Variants in NT5M observed in about 807,000 individuals in gnomAD.
The protein encoded by NT5M is 5'(3')-deoxyribonucleotidase, mitochondrial.
NT5M carries 22 observed loss-of-function variants against 22.2 expected under a neutral mutation model. That is an observed-to-expected ratio of 0.99 (90% CI 0.71 to 1.41). NT5M has a LOEUF of 1.41. Among genes scored for constraint, NT5M ranks in the 40% most tolerant of loss-of-function variants. The pLI, the probability that NT5M is intolerant of heterozygous loss-of-function variation, is 0.00. For missense variants in NT5M, 322 were observed against 314.8 expected (o/e 1.02, Z -0.17); for synonymous variants, 167 against 133.0 (o/e 1.26, Z -1.76).
At chr17:17,318,897 A>G (rs2049093125) in intron 2 of NT5M, among the ~76,000 whole-genome samples, 1 of 151,342 alleles carries the variant, frequency 6.6e-6, no homozygotes, top group Non-Finnish European at 1.5e-5. Context: ...AAGGCCACGT[A>G]TTGTAGGATT....
In NT5M at chr17:17,315,744, G is replaced by T. The variant is rs202023765; in HGVS notation, c.369-7441G>T. On this transcript the variant is annotated intron_variant, in intron 2 of 4. Transcript: ENST00000389022. ...AGAGATTGATGTGATCTAACTTAGGGTTTTTTTGTTTTTTTTTTTTTTTTT... is the reference window on the plus strand; with the variant it reads ...AGAGATTGATGTGATCTAACTTAGGTTTTTTTTGTTTTTTTTTTTTTTTTT... Among the ~76,000 whole-genome samples the T allele has an allele frequency of 5.3e-3, 359 of 67,738 alleles. 11 individuals carry two copies. The highest frequency in any genetic ancestry group is 0.013 in the Middle Eastern group (1 of 78). 44.4% of individuals were successfully genotyped at this position (67,738 alleles called of 152,430 possible). A position where few individuals can be genotyped will look rare whatever the true frequency, so the allele number is the denominator to read the frequency against.
chr17:17,337,766 A>T (rs1434525843), intron 3 of NT5M, among the ~76,000 whole-genome samples: 1 of 152,174 alleles, frequency 6.6e-6, no homozygotes, highest in African/African-American at 2.4e-5. Flanking sequence ...ATTTTTTTCT[A>T]TAGAGTTGTT....
chr17:17,317,049 G>GT (rs1351062225), intron 2 of NT5M, among the ~76,000 whole-genome samples: 2,473 of 81,432 alleles, frequency 0.03, 70 homozygotes, highest in African/African-American at 0.078. Context: ...TTTTGTTTTT[G>GT]TTTTTGTTTT....
intron 3 of NT5M, among the ~76,000 whole-genome samples, chr17:17,336,608 T>C (rs1179224206): frequency 6.6e-6 from 1 of 151,002 alleles, no homozygotes; most frequent in Non-Finnish European, 1.5e-5. Context: ...TTGAGTGCAG[T>C]GGCGTGATCT....
rs1027699175 is a variant in NT5M, at chr17:17,312,043, A to G, written c.368+5400A>G. ...CCCAGGCTCACATCCTCACTTCCCC[A>G]GAATCTCATTCCCAGATGTCAGGCA... On this transcript the variant is annotated intron_variant, in intron 2 of 4. Transcript: ENST00000389022. Among the ~76,000 whole-genome samples, 9 of 152,226 alleles carry G rather than the reference A, an allele frequency of 5.9e-5. No homozygotes were observed. In the East Asian group the frequency reaches 1.3e-3, roughly 23 times the overall value.
At chr17:17,305,206 A>C (rs1277762637) in intron 1 of NT5M, among the ~76,000 whole-genome samples, 2 of 152,036 alleles carry the variant, frequency 1.3e-5, no homozygotes, top group Non-Finnish European at 1.5e-5. Context: ...TCTTTGTGCA[A>C]ATATGTAGGC....
At chr17:17,323,296 A>G (rs2145374830) in intron 3 of NT5M, 51 bp downstream of exon 3, 1 of 1,462,598 alleles carries the variant, frequency 6.8e-7, no homozygotes, top group Middle Eastern at 2.4e-4. Flanking sequence ...ATCACAGGTG[A>G]GGGGTACGGG....
intron 3 of NT5M, among the ~76,000 whole-genome samples, chr17:17,338,674 AG>A (rs1567899007): frequency 1.4e-5 from 1 of 72,960 alleles, no homozygotes; most frequent in Non-Finnish European, 2.6e-5. Context: ...GTAAATGTTA[AG>A]GGTTTTTTTT....
At chr17:17,304,054 T>C (rs1175780487) in intron 1 of NT5M, among the ~76,000 whole-genome samples, 1 of 152,224 alleles carries the variant, frequency 6.6e-6, no homozygotes, top group East Asian at 1.9e-4. Context: ...AAAGTGTTAA[T>C]ATACCTAACT....
chr17:17,311,243 C>T (rs2048916074), intron 2 of NT5M, among the ~76,000 whole-genome samples: 1 of 151,468 alleles, frequency 6.6e-6, no homozygotes, highest in Non-Finnish European at 1.5e-5. Context: ...GAGGCTGAGG[C>T]AGGAGAATCG....
In NT5M at chr17:17,346,881, C is replaced by T. The variant is rs964858847; in HGVS notation, c.621C>T (p.Pro207=). 2 of 1,609,864 alleles carry T rather than the reference C, an allele frequency of 1.2e-6. No individual in the cohort carries two copies. The highest frequency in any genetic ancestry group is 1.7e-6 in the Non-Finnish European group (2 of 1,179,894). The stretch of plus-strand genomic sequence containing the variant: ...ACCAGCACCTGCAGCTGCAGCCCCC[C>T]CGCCGCAGGCTGCACTCGTGGGCGG... ...CHNQHLQLQP[P]RRRLHSWADD... The change falls in exon 5 of 5, where the codon CCC becomes CCT. Residue 207 remains proline (P), a synonymous_variant. Transcript: ENST00000389022.
At chr17:17,334,526 T>C (rs1484393241) in intron 3 of NT5M, among the ~76,000 whole-genome samples, 1 of 147,706 alleles carries the variant, frequency 6.8e-6, no homozygotes, top group Non-Finnish European at 1.5e-5. Context: ...GTCGCCAGGC[T>C]GGAGTGCAGT....
chr17:17,343,318 G>T (rs947758741), intron 3 of NT5M, among the ~76,000 whole-genome samples: 21 of 152,180 alleles, frequency 1.4e-4, no homozygotes, highest in African/African-American at 4.8e-4. Flanking sequence ...AATGGCACAT[G>T]TGAGGCTCTG....
At chr17:17,305,394 G>GCCCCCCCCCCCCCCCCCC (rs34579357) in intron 1 of NT5M, among the ~76,000 whole-genome samples, 48 of 74,138 alleles carry the variant, frequency 6.5e-4, no homozygotes, top group African/African-American at 8.0e-4. Context: ...TAAAACAACC[G>GCCCCCCCCCCCCCCCCCC]CCCCCCCCCC....
chr17:17,304,847 A>C (rs2048760427), intron 1 of NT5M, among the ~76,000 whole-genome samples: 1 of 152,128 alleles, frequency 6.6e-6, no homozygotes, highest in African/African-American at 2.4e-5. Flanking sequence ...ATTTCTTCTG[A>C]CATCAGAAAG....
chr17:17,311,381 C>G (rs2048919383), intron 2 of NT5M, among the ~76,000 whole-genome samples: 1 of 151,520 alleles, frequency 6.6e-6, no homozygotes, highest in African/African-American at 2.4e-5. Context: ...TCCATTTAGG[C>G]CTATGATCCA....
chr17:17,333,091 A>G (rs2049422263), intron 3 of NT5M, among the ~76,000 whole-genome samples: 2 of 152,110 alleles, frequency 1.3e-5, no homozygotes, highest in South Asian at 2.1e-4. Flanking sequence ...TTTGATTTGC[A>G]TTTCCTTGAT....
Position 17,345,948 on chromosome 17 carries a change from T to C in NT5M, c.545-857T>C, listed in dbSNP as rs1201303618. Among the ~76,000 whole-genome samples the C allele has an allele frequency of 3.9e-5, 6 of 152,376 alleles. No homozygotes were observed. The South Asian group carries it at 1.0e-3, about 26-fold the overall frequency. On this transcript the variant is annotated intron_variant, in intron 4 of 4. Transcript: ENST00000389022. Reference sequence around the variant, plus strand: ...CCCGTGAGTGTTGTTTCTTTGCCTCTTGGCTCTGCCCTGGCCTGGTTTTTG... The same window carrying C: ...CCCGTGAGTGTTGTTTCTTTGCCTCCTGGCTCTGCCCTGGCCTGGTTTTTG...
At chr17:17,314,190 C>T (rs542993340) in intron 2 of NT5M, among the ~76,000 whole-genome samples, 5 of 152,152 alleles carry the variant, frequency 3.3e-5, no homozygotes, top group African/African-American at 7.2e-5. Context: ...CCCGCCACCA[C>T]GCCCGGCTAA....
Sources: gnomAD v4.1 joint callset for allele counts (sites outside exome capture counted in the v4.1 genomes callset) on GRCh38, gnomAD v4.1.1 for gene constraint, MANE v1.5 for transcripts, NCBI Gene and HGNC (gene_info 2026-07-23, HGNC 2026-07-21) for gene names.